Variants in RBFOX1 observed in about 807,000 individuals in gnomAD.
The protein encoded by RBFOX1 is RNA binding fox-1 homolog 1.
A neutral mutation model predicts 57.7 loss-of-function variants in RBFOX1; 8 were observed. The ratio of observed to expected loss-of-function variants is 0.14; its 90% CI spans 0.08 to 0.25. RBFOX1 has a LOEUF of 0.25. Ranked by LOEUF, RBFOX1 falls within the 10% of genes least tolerant of loss-of-function variation. RBFOX1 has a pLI of 1.00. For missense variants in RBFOX1, 611 were observed against 548.5 expected (o/e 1.11, Z -1.14); for synonymous variants, 326 against 222.4 (o/e 1.47, Z -4.15).
At chr16:6,230,362 G>A (rs528143526) in intron 1 of RBFOX1, among the ~76,000 whole-genome samples, 27 of 152,116 alleles carry the variant, frequency 1.8e-4, no homozygotes, top group South Asian at 1.2e-3. Context: ...TATTATCTCC[G>A]TTTCACACAT....
chr16:6,633,959 A>G (rs376905316), intron 2 of RBFOX1, among the ~76,000 whole-genome samples: 78 of 152,254 alleles, frequency 5.1e-4, no homozygotes, highest in African/African-American at 1.9e-3. Flanking sequence ...AGGCTACCAT[A>G]AGCGATGACC....
intron 1 of RBFOX1, among the ~76,000 whole-genome samples, chr16:5,412,926 G>A (rs1567471114): frequency 6.6e-6 from 1 of 152,214 alleles, no homozygotes; most frequent in African/African-American, 2.4e-5. Context: ...GGACATGGCT[G>A]CATGAGCGTT....
At chr16:5,726,958 A>G (rs1483817196) in intron 3 of RBFOX1, among the ~76,000 whole-genome samples, 1 of 152,064 alleles carries the variant, frequency 6.6e-6, no homozygotes, top group Non-Finnish European at 1.5e-5. Context: ...CTGGCCGTGA[A>G]TTCAAACCTC....
intron 3 of RBFOX1, among the ~76,000 whole-genome samples, chr16:6,879,797 A>C (rs2062560505): frequency 6.6e-6 from 1 of 152,180 alleles, no homozygotes; most frequent in African/African-American, 2.4e-5. Flanking sequence ...ATTGGAATGG[A>C]AGCATTTTTG....
At chr16:7,644,307 T>C (rs1434221154) in intron 11 of RBFOX1, among the ~76,000 whole-genome samples, 1 of 152,198 alleles carries the variant, frequency 6.6e-6, no homozygotes, top group Admixed American at 6.5e-5. Flanking sequence ...GGTCTGGCAA[T>C]TAGCAAGTGC....
At chr16:7,387,064 T>C (rs2097896411) in intron 4 of RBFOX1, among the ~76,000 whole-genome samples, 1 of 152,182 alleles carries the variant, frequency 6.6e-6, no homozygotes, top group Non-Finnish European at 1.5e-5. Context: ...TGCCCACTTT[T>C]TGATGGGGTT....
chr16:6,263,983 A>T (rs1567805278), intron 1 of RBFOX1, among the ~76,000 whole-genome samples: 1 of 151,282 alleles, frequency 6.6e-6, no homozygotes, highest in African/African-American at 2.4e-5. Flanking sequence ...GGGCTAAAAC[A>T]TTTTTTTTTA....
intron 1 of RBFOX1, among the ~76,000 whole-genome samples, chr16:6,171,311 C>T (rs1482375680): frequency 6.6e-6 from 1 of 152,172 alleles, no homozygotes; most frequent in Admixed American, 6.5e-5. Flanking sequence ...TCCAGCCGCA[C>T]CACAACAGGT....
At chr16:6,853,542 A>C (rs899443187) in intron 3 of RBFOX1, among the ~76,000 whole-genome samples, 3 of 152,106 alleles carry the variant, frequency 2.0e-5, no homozygotes, top group African/African-American at 7.2e-5. Flanking sequence ...AGATGCTTTC[A>C]GAATTTGGGT....
At chr16:6,773,067 TTG>T (rs1453960617) in intron 3 of RBFOX1, among the ~76,000 whole-genome samples, 1 of 120,034 alleles carries the variant, frequency 8.3e-6, no homozygotes, top group Non-Finnish European at 1.7e-5. Flanking sequence ...TGGGGTGCAT[TTG>T]TGTGTGTATA....
At chr16:5,290,278 C>G (rs79379523) in intron 1 of RBFOX1, among the ~76,000 whole-genome samples, 1 of 152,252 alleles carries the variant, frequency 6.6e-6, no homozygotes, top group African/African-American at 2.4e-5. Context: ...AGGAGAATTG[C>G]TTGAACCCGG....
At chr16:6,890,584 G>A (rs1319368591) in intron 3 of RBFOX1, among the ~76,000 whole-genome samples, 1 of 152,202 alleles carries the variant, frequency 6.6e-6, no homozygotes, top group Non-Finnish European at 1.5e-5. Flanking sequence ...TAAAGTGATA[G>A]ATTTAAGGAA....
intron 4 of RBFOX1, among the ~76,000 whole-genome samples, chr16:7,408,160 G>GT (rs1207768038): frequency 1.5e-4 from 23 of 152,196 alleles, no homozygotes; most frequent in Admixed American, 2.0e-4. Context: ...TTGAATTACA[G>GT]TATTTGTGAC....
intron 3 of RBFOX1, among the ~76,000 whole-genome samples, chr16:5,825,793 A>G (rs151317424): frequency 8.2e-6 from 1 of 121,342 alleles, no homozygotes; most frequent in Non-Finnish European, 1.8e-5. Flanking sequence ...ATAAGGAATA[A>G]TATTCCTTAA....
intron 3 of RBFOX1, among the ~76,000 whole-genome samples, chr16:6,895,557 A>G (rs889026322): frequency 2.7e-5 from 4 of 148,934 alleles, no homozygotes; most frequent in African/African-American, 9.9e-5. Context: ...CACATGATTG[A>G]TGAGAGGAAG....
intron 3 of RBFOX1, among the ~76,000 whole-genome samples, chr16:6,794,676 G>T (rs1603624888): frequency 6.6e-6 from 1 of 152,212 alleles, no homozygotes; most frequent in East Asian, 1.9e-4. Flanking sequence ...ATCACTTATG[G>T]TTCCAATGTA....
At chr16:6,730,505 T>A (rs2068289127) in intron 3 of RBFOX1, among the ~76,000 whole-genome samples, 2 of 152,186 alleles carry the variant, frequency 1.3e-5, no homozygotes, top group African/African-American at 4.8e-5. Context: ...TATCTATCCA[T>A]CTATCTACCT....
chr16:6,451,738 G>A (rs1020487739), intron 2 of RBFOX1, among the ~76,000 whole-genome samples: 1 of 152,168 alleles, frequency 6.6e-6, no homozygotes, highest in Non-Finnish European at 1.5e-5. Context: ...ACCACAGACA[G>A]AGCACATACA....
At chr16:7,357,513 A>G (rs1349638283) in intron 4 of RBFOX1, among the ~76,000 whole-genome samples, 4 of 152,178 alleles carry the variant, frequency 2.6e-5, no homozygotes, top group Non-Finnish European at 4.4e-5. Flanking sequence ...TGCTGTTTGA[A>G]GAAATGAAAT....
Sources: gnomAD v4.1 joint callset for allele counts (sites outside exome capture counted in the v4.1 genomes callset) on GRCh38, gnomAD v4.1.1 for gene constraint, MANE v1.5 for transcripts, NCBI Gene and HGNC (gene_info 2026-07-23, HGNC 2026-07-21) for gene names.